The following MAPK6 variants were observed in gnomAD, a reference collection of about 807,000 sequenced individuals.
MAPK6 encodes the protein ERK-3.
Under a neutral mutation model 59.3 loss-of-function variants are expected in MAPK6, and 19 were observed. The observed-to-expected ratio is 0.32, with a 90% CI of 0.22 to 0.47. MAPK6 has a LOEUF of 0.47. Ranked by LOEUF, MAPK6 falls within the 20% of genes least tolerant of loss-of-function variation. MAPK6 has a pLI of 1.00. For synonymous variants in MAPK6, 316 were observed against 290.3 expected (o/e 1.09, Z -0.90); for missense variants, 724 against 847.9 (o/e 0.85, Z 1.81).
intron 2 of MAPK6, among the ~76,000 whole-genome samples, chr15:51,983,990 A>G (rs972910946): frequency 2.0e-5 from 3 of 149,250 alleles, no homozygotes; most frequent in African/African-American, 7.3e-5. Flanking sequence ...TGTCTCATTA[A>G]AAAAAAAAAA....
At chr15:51,982,696 AG>A (rs112887012) in intron 1 of MAPK6, among the ~76,000 whole-genome samples, 1 of 152,222 alleles carries the variant, frequency 6.6e-6, no homozygotes, top group Non-Finnish European at 1.5e-5. Context: ...AAAATAAAAA[AG>A]GTATTTTTCA....
At chr15:52,003,261 A>G (rs1230885917) in intron 2 of MAPK6, among the ~76,000 whole-genome samples, 6 of 152,280 alleles carry the variant, frequency 3.9e-5, no homozygotes, top group Middle Eastern at 6.8e-3. Flanking sequence ...TCACGAGAAC[A>G]GCATGGGGGA....
intron 1 of MAPK6, among the ~76,000 whole-genome samples, chr15:52,042,103 C>T (rs147600317): frequency 3.3e-5 from 5 of 152,264 alleles, no homozygotes; most frequent in South Asian, 2.1e-4. Context: ...CAGCATTACT[C>T]GCAGCTTACT....
rs1384956576 is a variant in MAPK6, at chr15:52,063,971, G to T, written c.1137G>T (p.Gln379His). 1 of 1,610,478 alleles carries T rather than the reference G, an allele frequency of 6.2e-7. No individual in the cohort carries two copies. Among genetic ancestry groups the T allele is most frequent in the African/African-American group, 1.3e-5 (1 of 74,824 alleles). The change falls in exon 6 of 6, where the codon CAG (glutamine) becomes CAT (histidine). Residue 379 changes from glutamine (Q) to histidine (H), a missense_variant. By Grantham distance (24) the Gln-to-His change is conservative. Transcript: ENST00000261845. ...VHNNFDIDEV[Q>H]LDPRALSDVT... ...ACAACTTTGATATTGATGAAGTTCA[G>T]CTTGATCCAAGAGCTCTGTCCGATG...
chr15:52,036,328 T>C (rs2141886276), intron 1 of MAPK6, among the ~76,000 whole-genome samples: 1 of 152,324 alleles, frequency 6.6e-6, no homozygotes, highest in Admixed American at 6.5e-5. Flanking sequence ...ATATAAGCTG[T>C]CCCTCTTGGT....
At chr15:52,029,698 AT>A (rs1417285852) in intron 1 of MAPK6, among the ~76,000 whole-genome samples, 2 of 152,126 alleles carry the variant, frequency 1.3e-5, no homozygotes, top group African/African-American at 4.8e-5. Context: ...TTTTTCCCTT[AT>A]CCCCATAGCT....
In MAPK6 at chr15:52,064,660, A is replaced by G. The variant is rs766643187; in HGVS notation, c.1826A>G (p.Gln609Arg). Residue 609 changes from glutamine (Q) to arginine (R), a missense_variant, in exon 6 of 6, where the codon CAG becomes CGG. Physicochemically the swap from Gln to Arg is conservative, Grantham distance 43. Coordinates refer to ENST00000261845, the MANE Select transcript of MAPK6 (RefSeq NM_002748.4). ...GGGGAGGACTGTTTTTTCATAAATC[A>G]GTTTTGTGAGGTAAGGAAGGATGAA... ...SGGEDCFFIN[Q>R]FCEVRKDEQV... 11 of 1,611,588 alleles carry G rather than the reference A, an allele frequency of 6.8e-6. No homozygotes were observed. Among genetic ancestry groups the G allele is most frequent in the African/African-American group, 1.3e-5 (1 of 74,830 alleles).
chr15:52,065,307 ACCTTG>A lies in MAPK6; in HGVS notation c.*313_*317del, dbSNP rs962958973. 1.3e-5 allele frequency: 3 copies of A among 223,424 alleles called. No individual in the cohort carries two copies. Among genetic ancestry groups the A allele is most frequent in the Non-Finnish European group, 2.6e-5 (3 of 114,740 alleles). The allele number at this position is 223,424 out of a possible 1,614,324, so 13.8% of individuals were successfully genotyped here. ...CATTGATCTGTTTTACAGGAAACAA[ACCTTG>A]CCTTGAAATTTACACAGTGAGACTG... On this transcript the variant is annotated 3_prime_UTR_variant, in exon 6 of 6. Transcript: ENST00000261845.
In MAPK6 at chr15:52,019,252, T is replaced by C. The variant is rs944694219; in HGVS notation, c.-756T>C. ...CCCTCTCTCGCGGGTCGGGGTTACA[T>C]GGCGGCGACTGCGGCAAAGCGAGAG... On this transcript the variant is annotated 5_prime_UTR_variant, in exon 1 of 6. It removes an upstream start codon present in the reference 5' UTR. Coordinates refer to ENST00000261845, the MANE Select transcript of MAPK6 (RefSeq NM_002748.4). 6.6e-6 allele frequency: 1 copy of C among 151,854 alleles called. No homozygotes were observed. The highest frequency in any genetic ancestry group is 1.5e-5 in the Non-Finnish European group (1 of 67,978). The allele number at this position is 151,854 out of a possible 1,614,324, so 9.4% of individuals were successfully genotyped here.
chr15:51,988,482 C>A lies in MAPK6; in HGVS notation c.-770+5167C>A, dbSNP rs1202695268. On this transcript the variant is annotated intron_variant, in intron 2 of 7. Coordinates refer to the MAPK6 transcript ENST00000691380. ...GGAGTGGTGGCTCAAGCTTGTAATC[C>A]CAGCACTTTGGGAGGCCACGGCGGG... Among the ~76,000 whole-genome samples, 5 of 152,066 alleles carry A rather than the reference C, an allele frequency of 3.3e-5. No homozygotes were observed. In the East Asian group the frequency reaches 9.7e-4, roughly 29 times the overall value.
At chr15:52,026,254 G>T (rs367576660) in intron 1 of MAPK6, among the ~76,000 whole-genome samples, 9 of 152,274 alleles carry the variant, frequency 5.9e-5, no homozygotes, top group Middle Eastern at 3.4e-3. Context: ...TCCAGGTACC[G>T]AAACAGTGGT....
At position 52,061,541 on chromosome 15, in the gene MAPK6, T is replaced by G. The variant is rs374381429; in HGVS notation, c.1067+41T>G. On this transcript the variant is annotated intron_variant, in intron 5 of 5. Transcript: ENST00000261845. ...ATTAGAAAAATAATATTTACTGAAC[T>G]TTCAGTGGACCATATGTAGTGAGTT... is the stretch of plus-strand genomic sequence containing the variant. 3.2e-5 allele frequency: 46 copies of G among 1,430,434 alleles called. No individual in the cohort carries two copies. The African/African-American group carries it at 6.1e-4, about 19-fold the overall frequency. 88.6% of individuals were successfully genotyped at this position (1,430,434 alleles called of 1,614,324 possible).
intron 1 of MAPK6, among the ~76,000 whole-genome samples, chr15:52,039,739 A>G (rs2141894209): frequency 6.6e-6 from 1 of 151,092 alleles, no homozygotes; most frequent in Non-Finnish European, 1.5e-5. Flanking sequence ...CTGGTCTCCA[A>G]CTCCTGGCCT....
chr15:51,975,836 A>G (rs2057155687), intron 1 of MAPK6, among the ~76,000 whole-genome samples: 1 of 151,886 alleles, frequency 6.6e-6, no homozygotes, highest in South Asian at 2.1e-4. Flanking sequence ...GTAAATACTC[A>G]GCTGATTTCT....
At chr15:52,012,383 C>T (rs908272621) in intron 3 of MAPK6, among the ~76,000 whole-genome samples, 37 of 152,198 alleles carry the variant, frequency 2.4e-4, no homozygotes, top group African/African-American at 8.7e-4. Flanking sequence ...GTGGTACCCC[C>T]TGGGACGTGG....
At chr15:52,032,759 A>G (rs1035224455) in intron 1 of MAPK6, among the ~76,000 whole-genome samples, 2 of 152,026 alleles carry the variant, frequency 1.3e-5, no homozygotes, top group African/African-American at 4.8e-5. Flanking sequence ...ATCTCGGCTC[A>G]CTGCAACCTC....
chr15:52,060,304 A>G, intron 4 of MAPK6, among the ~76,000 whole-genome samples: 1 of 152,206 alleles, frequency 6.6e-6, no homozygotes. Flanking sequence ...TGAGAGAGAA[A>G]GGCCATCTTT....
chr15:52,051,212 G>A (rs936472504), intron 3 of MAPK6, among the ~76,000 whole-genome samples: 38 of 151,898 alleles, frequency 2.5e-4, no homozygotes, highest in Non-Finnish European at 3.2e-4. Context: ...CGCCCGCCCC[G>A]TCGCCCGGCT....
At chr15:52,000,668 T>G (rs142820988) in intron 2 of MAPK6, among the ~76,000 whole-genome samples, 4,216 of 152,054 alleles carry the variant, frequency 0.028, 82 homozygotes, top group Middle Eastern at 0.061. Flanking sequence ...TAGCCGGGCA[T>G]GGTGCCACAC....
Sources: gnomAD v4.1 joint callset for allele counts (sites outside exome capture counted in the v4.1 genomes callset) on GRCh38, gnomAD v4.1.1 for gene constraint, MANE v1.5 for transcripts, NCBI Gene and HGNC (gene_info 2026-07-23, HGNC 2026-07-21) for gene names.